Variants in KLF12 observed in about 807,000 individuals in gnomAD.
KLF12 encodes the protein KLF transcription factor 12.
In KLF12, 9 loss-of-function variants were observed where a neutral mutation model predicts 37.8. That is an observed-to-expected ratio of 0.24 (90% CI 0.14 to 0.42). The LOEUF (loss-of-function observed/expected upper bound fraction) is 0.42. KLF12 is among the 10% of genes least tolerant of loss of function. The pLI, the probability that KLF12 is intolerant of heterozygous loss-of-function variation, is 1.00. For missense variants in KLF12, 411 were observed against 516.0 expected, an observed-to-expected ratio of 0.80 and a Z score of 1.97; for synonymous variants, 208 against 202.1, an observed-to-expected ratio of 1.03 and a Z score of -0.25.
intron 4 of KLF12, among the ~76,000 whole-genome samples, chr13:73,827,054 T>A (rs773167555): frequency 7.2e-5 from 11 of 152,220 alleles, no homozygotes; most frequent in Non-Finnish European, 1.3e-4. Flanking sequence ...GCACAAGGAT[T>A]ACAGGCATGA....
chr13:73,880,708 T>C (rs1333390670), intron 3 of KLF12, among the ~76,000 whole-genome samples: 1 of 152,200 alleles, frequency 6.6e-6, no homozygotes, highest in Non-Finnish European at 1.5e-5. Flanking sequence ...CTTTCACAGG[T>C]GCATGAACAG....
intron 3 of KLF12, among the ~76,000 whole-genome samples, chr13:73,872,609 TGA>T (rs1247172711): frequency 6.6e-6 from 1 of 152,138 alleles, no homozygotes; most frequent in Non-Finnish European, 1.5e-5. Flanking sequence ...AGAGTAAATC[TGA>T]GAGCACCTAG....
intron 5 of KLF12, among the ~76,000 whole-genome samples, chr13:73,791,643 T>C (rs2138271127): frequency 6.6e-6 from 1 of 152,324 alleles, no homozygotes; most frequent in Admixed American, 6.5e-5. Context: ...GCATTATTTT[T>C]TCCTGTAGTA....
the KLF12 span, among the ~76,000 whole-genome samples, chr13:74,216,446 G>C: frequency 1.3e-5 from 2 of 152,138 alleles, no homozygotes; most frequent in East Asian, 3.9e-4. Flanking sequence ...ACCGCCCATA[G>C]AGATTCTGAT....
At chr13:73,960,223 C>A (rs1890977671) in intron 2 of KLF12, 1 of 167,238 alleles carries the variant, frequency 6.0e-6, no homozygotes, top group Admixed American at 6.2e-5. Flanking sequence ...AGCTCTTTGT[C>A]TTGATATAAA....
chr13:73,926,753 CA>C (rs1292219751), intron 3 of KLF12, among the ~76,000 whole-genome samples: 1 of 151,708 alleles, frequency 6.6e-6, no homozygotes, highest in Non-Finnish European at 1.5e-5. Context: ...CGGTTTTAAG[CA>C]CACGTAGTTT....
the KLF12 span, among the ~76,000 whole-genome samples, chr13:74,254,202 A>G: frequency 6.6e-6 from 1 of 152,192 alleles, no homozygotes; most frequent in Non-Finnish European, 1.5e-5. Context: ...CTGTTGCTAA[A>G]TGTCCACATA....
intron 3 of KLF12, among the ~76,000 whole-genome samples, chr13:73,927,818 G>T (rs1889469215): frequency 6.9e-6 from 1 of 144,214 alleles, no homozygotes; most frequent in African/African-American, 2.6e-5. Context: ...TTGATCTCCT[G>T]ACCTCGTGAT....
At chr13:73,921,637 AATACATGTGT>A (rs1221542747) in intron 3 of KLF12, among the ~76,000 whole-genome samples, 1 of 152,230 alleles carries the variant, frequency 6.6e-6, no homozygotes, top group Non-Finnish European at 1.5e-5. Context: ...AAAATGTAAT[AATACATGTGT>A]ATATATGAGA....
intron 1 of KLF12, among the ~76,000 whole-genome samples, chr13:74,124,003 TTTG>T (rs200255618): frequency 0.015 from 2,294 of 152,244 alleles, 53 homozygotes; most frequent in African/African-American, 0.05. Flanking sequence ...CAAAGCAATT[TTTG>T]TTGTTGTTGT....
At chr13:73,860,392 T>C (rs1169614759) in intron 3 of KLF12, among the ~76,000 whole-genome samples, 1 of 152,100 alleles carries the variant, frequency 6.6e-6, no homozygotes, top group East Asian at 1.9e-4. Flanking sequence ...TTAAAGCTCA[T>C]TAGTAAAGCT....
At chr13:73,727,653 C>G (rs1432053212) in intron 6 of KLF12, among the ~76,000 whole-genome samples, 1 of 151,998 alleles carries the variant, frequency 6.6e-6, no homozygotes, top group South Asian at 2.1e-4. Context: ...TATTCTCCCC[C>G]CTCAGATTGT....
intron 3 of KLF12, among the ~76,000 whole-genome samples, chr13:73,888,993 G>A (rs1408892389): frequency 6.6e-6 from 1 of 152,188 alleles, no homozygotes; most frequent in African/African-American, 2.4e-5. Context: ...TAACCACACT[G>A]ATTTTGTAAG....
chr13:73,759,256 C>G (rs986823831), intron 6 of KLF12, among the ~76,000 whole-genome samples: 1 of 152,124 alleles, frequency 6.6e-6, no homozygotes, highest in Non-Finnish European at 1.5e-5. Context: ...TTAAAAAGAC[C>G]ATGAAGGCTT....
intron 3 of KLF12, among the ~76,000 whole-genome samples, chr13:73,896,707 T>C (rs1410820220): frequency 6.6e-6 from 1 of 152,186 alleles, no homozygotes; most frequent in Admixed American, 6.5e-5. Flanking sequence ...CACATTTTGT[T>C]ATTTAACCTA....
At chr13:73,726,240 A>G (rs1876660861) in intron 6 of KLF12, among the ~76,000 whole-genome samples, 1 of 152,210 alleles carries the variant, frequency 6.6e-6, no homozygotes, top group Non-Finnish European at 1.5e-5. Flanking sequence ...TGTCCAATAC[A>G]TCCCCAGCAC....
chr13:74,176,508 C>A, the KLF12 span, among the ~76,000 whole-genome samples: 22 of 152,164 alleles, frequency 1.4e-4, no homozygotes, highest in African/African-American at 5.3e-4. Context: ...TACCCATGAT[C>A]GTTCAGTGGG....
At chr13:74,224,977 G>C in the KLF12 span, among the ~76,000 whole-genome samples, 1 of 152,086 alleles carries the variant, frequency 6.6e-6, no homozygotes, top group Non-Finnish European at 1.5e-5. Flanking sequence ...CCCTTTATTT[G>C]AACAGGATGC....
intron 1 of KLF12, among the ~76,000 whole-genome samples, chr13:74,014,067 C>T (rs1307480112): frequency 6.6e-6 from 1 of 152,166 alleles, no homozygotes; most frequent in Non-Finnish European, 1.5e-5. Flanking sequence ...GCATAACTTG[C>T]AGGGGGCAGG....
Sources: gnomAD v4.1 joint callset for allele counts (sites outside exome capture counted in the v4.1 genomes callset) on GRCh38, gnomAD v4.1.1 for gene constraint, MANE v1.5 for transcripts, NCBI Gene and HGNC (gene_info 2026-07-23, HGNC 2026-07-21) for gene names.